The following LARP4B variants were observed in gnomAD, a reference collection of about 807,000 sequenced individuals.
The protein encoded by LARP4B is la-related protein 4B.
In LARP4B, 12 loss-of-function variants were observed where a neutral mutation model predicts 89.8. The ratio of observed to expected loss-of-function variants is 0.13; its 90% CI spans 0.09 to 0.22. LARP4B has a LOEUF of 0.22. Among genes scored for constraint, LARP4B ranks in the 10% least tolerant of loss-of-function variants. The pLI, the probability that LARP4B is intolerant of heterozygous loss-of-function variation, is 1.00. For synonymous variants in LARP4B, 367 were observed against 363.3 expected, an observed-to-expected ratio of 1.01 and a Z score of -0.12; for missense variants, 757 against 947.7, an observed-to-expected ratio of 0.80 and a Z score of 2.64.
intron 1 of LARP4B, among the ~76,000 whole-genome samples, chr10:922,503 C>T (rs970975297): frequency 6.6e-5 from 10 of 151,816 alleles, no homozygotes; most frequent in Non-Finnish European, 1.3e-4. Flanking sequence ...CACTTGAGGC[C>T]AGGAGACTGA....
At position 853,983 on chromosome 10, in the gene LARP4B, G is replaced by A. The variant is rs1471930595; in HGVS notation, c.431-8928C>T. ...GTCAATCCTCTCAAACCCTGCTGCT[G>A]CTTTATCAGCTAGGTTTATGGAATA... On this transcript the variant is annotated intron_variant, in intron 5 of 17. Transcript: ENST00000316157. Among the ~76,000 whole-genome samples, 4 of 152,164 alleles carry A rather than the reference G, an allele frequency of 2.6e-5. No individual in the cohort carries two copies. In the East Asian group the frequency reaches 7.7e-4, roughly 29 times the overall value.
chr10:862,251 G>A (rs1425374697), intron 5 of LARP4B, among the ~76,000 whole-genome samples: 1 of 82,496 alleles, frequency 1.2e-5, no homozygotes, highest in Non-Finnish European at 2.1e-5. Context: ...AAGCTCCACT[G>A]AAGTTAAAAA....
the LARP4B span, among the ~76,000 whole-genome samples, chr10:964,679 G>A: frequency 6.6e-6 from 1 of 152,176 alleles, no homozygotes; most frequent in South Asian, 2.1e-4. Context: ...GAGTAACACC[G>A]GGTTTCCTGA....
At chr10:921,133 C>T (rs141434545) in intron 1 of LARP4B, among the ~76,000 whole-genome samples, 1,794 of 151,998 alleles carry the variant, frequency 0.012, 30 homozygotes, top group African/African-American at 0.041. Context: ...ACTAGCCAGG[C>T]GTGGTGGTGC....
At chr10:839,517 A>T (rs1368137402) in intron 7 of LARP4B, among the ~76,000 whole-genome samples, 1 of 152,246 alleles carries the variant, frequency 6.6e-6, no homozygotes, top group Non-Finnish European at 1.5e-5. Flanking sequence ...AAAGAAGAAA[A>T]AGGAAGGCAA....
chr10:862,621 G>A (rs1455721416), intron 5 of LARP4B, among the ~76,000 whole-genome samples: 3 of 152,146 alleles, frequency 2.0e-5, no homozygotes, highest in South Asian at 4.1e-4. Context: ...TTAGCCGGGC[G>A]TGGTGGCAGA....
At chr10:883,045 G>A (rs1835732869) in intron 3 of LARP4B, among the ~76,000 whole-genome samples, 1 of 152,160 alleles carries the variant, frequency 6.6e-6, no homozygotes, top group African/African-American at 2.4e-5. Flanking sequence ...CCTACAATAG[G>A]TTTCTAAAGA....
the LARP4B span, among the ~76,000 whole-genome samples, chr10:962,157 G>C: frequency 6.6e-6 from 1 of 152,038 alleles, no homozygotes; most frequent in Non-Finnish European, 1.5e-5. Flanking sequence ...TTAGCCAGGT[G>C]TGGTAGCTCA....
chr10:817,700 A>G lies in LARP4B; in HGVS notation c.1695+25T>C, dbSNP rs764226857. The G allele has an allele frequency of 4.4e-6, 7 of 1,604,742 alleles. No individual in the cohort carries two copies. The Admixed American group carries it at 1.2e-4, about 27-fold the overall frequency. On this transcript the variant is annotated intron_variant, in intron 15 of 17. Coordinates refer to ENST00000316157, the MANE Select transcript of LARP4B (RefSeq NM_015155.3). ...CCGTACCTAGACACTGTTGGCAACT[A>G]TTAGACATGCAATATATCCCTTACC...
intron 1 of LARP4B, among the ~76,000 whole-genome samples, chr10:899,497 A>G (rs1386838672): frequency 2.6e-5 from 4 of 152,218 alleles, no homozygotes; most frequent in African/African-American, 7.2e-5. Context: ...TGATACTGAG[A>G]ACAGGACAGA....
At position 817,777 on chromosome 10, in the gene LARP4B, T is replaced by C. The variant is rs769621874; in HGVS notation, c.1643A>G (p.Asp548Gly). The change falls in exon 15 of 18, where the codon GAC (aspartate) becomes GGC (glycine). Residue 548 changes from aspartate to glycine, a missense_variant. Coordinates refer to ENST00000316157, the MANE Select transcript of LARP4B (RefSeq NM_015155.3). ...PGAAGNLKTEDLFENRLSSLI... is the reference protein window; with the variant it reads ...PGAAGNLKTEGLFENRLSSLI... ...GCTAGATAGCCTGTTTTCAAACAAG[T>C]CCTCTGTCTTCAAATTGCCGGCAGC... 1.2e-6 allele frequency: 2 copies of C among 1,614,220 alleles called. No homozygotes were observed. The highest frequency in any genetic ancestry group is 1.3e-5 in the African/African-American group (1 of 75,060).
At chr10:875,797 C>T (rs1032554271) in intron 3 of LARP4B, among the ~76,000 whole-genome samples, 16 of 152,142 alleles carry the variant, frequency 1.1e-4, no homozygotes, top group Non-Finnish European at 1.6e-4. Flanking sequence ...TGCTGCACGG[C>T]GGACTGATTT....
intron 1 of LARP4B, among the ~76,000 whole-genome samples, chr10:890,681 G>A (rs896070473): frequency 4.6e-5 from 7 of 152,012 alleles, no homozygotes; most frequent in African/African-American, 1.7e-4. Context: ...AGCAAATTGT[G>A]ATTTTGCAAT....
At chr10:935,577 G>A (rs973610713), upstream of LARP4B, among the ~76,000 whole-genome samples, 1 of 152,132 alleles carries the variant, frequency 6.6e-6, no homozygotes, top group Admixed American at 6.5e-5. Context: ...AAATGGTCAG[G>A]CCTCAAGGGC....
the LARP4B span, among the ~76,000 whole-genome samples, chr10:943,975 C>T: frequency 3.3e-5 from 5 of 152,060 alleles, no homozygotes; most frequent in Middle Eastern, 6.8e-3. Context: ...GCAGAAAATA[C>T]GGAAGAACAT....
chr10:843,139 T>G, intron 6 of LARP4B, 71 bp from the exon 7 acceptor site: 1 of 1,388,734 alleles, frequency 7.2e-7, no homozygotes, highest in Non-Finnish European at 1.0e-6. Context: ...GTAATTCCAG[T>G]TTCACAAGAG....
intron 3 of LARP4B, among the ~76,000 whole-genome samples, chr10:874,841 C>T (rs371005544): frequency 6.6e-6 from 1 of 152,150 alleles, no homozygotes; most frequent in East Asian, 1.9e-4. Context: ...CTGAAATCAT[C>T]ATAATGATTA....
chr10:890,633 T>G (rs1255311303), intron 1 of LARP4B, among the ~76,000 whole-genome samples: 1 of 152,222 alleles, frequency 6.6e-6, no homozygotes, highest in South Asian at 2.1e-4. Flanking sequence ...TTCTAGGTCC[T>G]TGGTTCTCAG....
At chr10:913,340 A>G (rs536705786) in intron 1 of LARP4B, among the ~76,000 whole-genome samples, 4 of 152,352 alleles carry the variant, frequency 2.6e-5, no homozygotes, top group African/African-American at 9.6e-5. Context: ...TATATATGTG[A>G]TATTTCACTA....
Sources: allele counts gnomAD v4.1 joint callset (sites outside exome capture counted in the v4.1 genomes callset), GRCh38; gene constraint gnomAD v4.1.1; transcripts MANE v1.5; gene names NCBI Gene and HGNC (gene_info 2026-07-23, HGNC 2026-07-21).